IFTAP: variants seen among roughly 807,000 people sequenced by gnomAD.
IFTAP encodes the protein intraflagellar transport associated protein, also known as intraflagellar transport-associated protein.
Under a neutral mutation model 19.4 loss-of-function variants are expected in IFTAP, and 19 were observed. The ratio of observed to expected loss-of-function variants is 0.98; its 90% CI spans 0.68 to 1.44. IFTAP has a LOEUF of 1.44. Among genes scored for constraint, IFTAP ranks in the 40% most tolerant of loss-of-function variants. IFTAP has a pLI of 0.00. For missense variants in IFTAP, 240 were observed against 253.6 expected (o/e 0.95, Z 0.36); for synonymous variants, 85 against 83.5 (o/e 1.02, Z -0.10).
intron 5 of IFTAP, among the ~76,000 whole-genome samples, chr11:36,653,426 C>T (rs940052195): frequency 6.6e-6 from 1 of 152,138 alleles, no homozygotes; most frequent in African/African-American, 2.4e-5. Context: ...TAACTTAATT[C>T]ATGGTTGTTT....
At chr11:36,637,158 G>A (rs1295440675) in intron 4 of IFTAP, among the ~76,000 whole-genome samples, 1 of 152,050 alleles carries the variant, frequency 6.6e-6, no homozygotes, top group Non-Finnish European at 1.5e-5. Context: ...GTTGGTTTAG[G>A]GATGGTGACT....
intron 1 of IFTAP, among the ~76,000 whole-genome samples, chr11:36,605,944 A>G (rs1851678087): frequency 6.6e-6 from 1 of 152,302 alleles, no homozygotes; most frequent in East Asian, 1.9e-4. Context: ...AAGTATGTGA[A>G]TGGTAATTGA....
intron 4 of IFTAP, among the ~76,000 whole-genome samples, chr11:36,642,410 C>G (rs944916670): frequency 1.6e-4 from 25 of 152,088 alleles, no homozygotes; most frequent in Non-Finnish European, 7.4e-5. Flanking sequence ...AGATTCACAG[C>G]CAAATTCTAC....
At chr11:36,599,782 G>A (rs1851435256) in intron 1 of IFTAP, among the ~76,000 whole-genome samples, 2 of 151,936 alleles carry the variant, frequency 1.3e-5, no homozygotes, top group South Asian at 4.2e-4. Context: ...AAGGATATTG[G>A]GTTATTTCCC....
At chr11:36,628,167 G>A (rs1225937931) in intron 2 of IFTAP, among the ~76,000 whole-genome samples, 1 of 150,912 alleles carries the variant, frequency 6.6e-6, no homozygotes, top group Non-Finnish European at 1.5e-5. Flanking sequence ...AGCTCTAATT[G>A]TGACTCCCCA....
At chr11:36,609,318 G>A (rs1033848426) in intron 1 of IFTAP, among the ~76,000 whole-genome samples, 7 of 152,190 alleles carry the variant, frequency 4.6e-5, no homozygotes, top group Non-Finnish European at 1.0e-4. Flanking sequence ...TTGAAAAGAT[G>A]TCATGTATAA....
intron 1 of IFTAP, among the ~76,000 whole-genome samples, chr11:36,599,135 A>G (rs1435758675): frequency 6.6e-6 from 1 of 152,144 alleles, no homozygotes; most frequent in Non-Finnish European, 1.5e-5. Context: ...CTGGGATTAC[A>G]GGCACACGCC....
chr11:36,640,202 C>T (rs1426603417), intron 4 of IFTAP, among the ~76,000 whole-genome samples: 1 of 152,160 alleles, frequency 6.6e-6, no homozygotes, highest in African/African-American at 2.4e-5. Flanking sequence ...TTGATGTTTG[C>T]ATTGAAGTTG....
intron 5 of IFTAP, among the ~76,000 whole-genome samples, chr11:36,653,726 G>A (rs1266008657): frequency 6.6e-6 from 1 of 152,112 alleles, no homozygotes. Context: ...TTACTTATGT[G>A]TCTCCTGTCT....
At chr11:36,604,710 A>G (rs1042329537) in intron 1 of IFTAP, among the ~76,000 whole-genome samples, 3 of 152,066 alleles carry the variant, frequency 2.0e-5, no homozygotes, top group African/African-American at 4.8e-5. Flanking sequence ...GTTCATAATC[A>G]TGAGCATCTC....
At chr11:36,604,559 A>G (rs1851624742) in intron 1 of IFTAP, among the ~76,000 whole-genome samples, 1 of 152,148 alleles carries the variant, frequency 6.6e-6, no homozygotes, top group Non-Finnish European at 1.5e-5. Context: ...TCTCTAATAT[A>G]TAATGATGTA....
chr11:36,628,425 G>A (rs116420739), intron 2 of IFTAP, among the ~76,000 whole-genome samples: 1,547 of 151,182 alleles, frequency 0.01, 110 homozygotes, highest in African/African-American at 0.036. Context: ...TTGTGATTCT[G>A]CCAAACCAAT....
chr11:36,630,361 C>G (rs1241844825), intron 2 of IFTAP, among the ~76,000 whole-genome samples: 1 of 151,206 alleles, frequency 6.6e-6, no homozygotes, highest in Non-Finnish European at 1.5e-5. Context: ...TAGGAAGGAG[C>G]CTTAAACTGT....
chr11:36,652,324 G>T (rs141204718), intron 5 of IFTAP, among the ~76,000 whole-genome samples: 20,589 of 152,060 alleles, frequency 0.14, 2,135 homozygotes, highest in African/African-American at 0.29. Flanking sequence ...ATTGTGAATG[G>T]GAGTTCACAC....
chr11:36,633,740 G>T (rs1013257172), intron 3 of IFTAP, among the ~76,000 whole-genome samples: 1 of 152,028 alleles, frequency 6.6e-6, no homozygotes, highest in Non-Finnish European at 1.5e-5. Context: ...TGGGACAAAA[G>T]AGCTCCTTTC....
intron 1 of IFTAP, among the ~76,000 whole-genome samples, chr11:36,596,834 G>A (rs1479630476): frequency 6.6e-6 from 1 of 152,178 alleles, no homozygotes; most frequent in East Asian, 1.9e-4. Flanking sequence ...GTTGCTGTAG[G>A]AATTGTGGCT....
chr11:36,611,061 A>G (rs1851859765), intron 2 of IFTAP, among the ~76,000 whole-genome samples: 1 of 152,112 alleles, frequency 6.6e-6, no homozygotes. Flanking sequence ...GGCAATATCA[A>G]CTAGAGCTCA....
chr11:36,635,925 A>G, intron 3 of IFTAP, 126 bp from the exon 4 acceptor site: 1 of 689,852 alleles, frequency 1.4e-6, no homozygotes, highest in Non-Finnish European at 2.6e-6. Context: ...CTGGGACTCA[A>G]GAGTTAATGA....
intron 3 of IFTAP, among the ~76,000 whole-genome samples, chr11:36,635,706 A>G (rs1852920850): frequency 6.6e-6 from 1 of 152,220 alleles, no homozygotes; most frequent in Admixed American, 6.5e-5. Context: ...AACAAAACCC[A>G]GAAACACTGT....
Sources: gnomAD v4.1 joint callset for allele counts (sites outside exome capture counted in the v4.1 genomes callset) on GRCh38, gnomAD v4.1.1 for gene constraint, MANE v1.5 for transcripts, NCBI Gene and HGNC (gene_info 2026-07-23, HGNC 2026-07-21) for gene names.